Variants in ATP6V0A4 observed in about 807,000 individuals in gnomAD.
The protein encoded by ATP6V0A4 is ATPase H+ transporting V0 subunit a4.
Under a neutral mutation model 107.3 loss-of-function variants are expected in ATP6V0A4, and 86 were observed. The observed-to-expected ratio is 0.80, with a 90% CI of 0.67 to 0.96. ATP6V0A4 has a LOEUF of 0.96. ATP6V0A4 is among the 40% of genes least tolerant of loss of function. The pLI, the probability that ATP6V0A4 is intolerant of heterozygous loss-of-function variation, is 0.00. For synonymous variants in ATP6V0A4, 353 were observed against 381.4 expected, an observed-to-expected ratio of 0.93 and a Z score of 0.87; for missense variants, 908 against 1,045.6, an observed-to-expected ratio of 0.87 and a Z score of 1.81.
At chr7:138,710,469 G>A (rs1347891590) in intron 20 of ATP6V0A4, among the ~76,000 whole-genome samples, 1 of 152,060 alleles carries the variant, frequency 6.6e-6, no homozygotes, top group East Asian at 1.9e-4. Flanking sequence ...GATTACAGGC[G>A]TAAGCCACCG....
chr7:138,714,112 G>A (rs546466062), intron 20 of ATP6V0A4, among the ~76,000 whole-genome samples: 1 of 151,512 alleles, frequency 6.6e-6, no homozygotes, highest in South Asian at 2.1e-4. Flanking sequence ...CAGGCATGGT[G>A]GCATGCACCT....
intron 20 of ATP6V0A4, among the ~76,000 whole-genome samples, chr7:138,712,372 T>C (rs572484471): frequency 1.6e-4 from 24 of 152,210 alleles, no homozygotes; most frequent in African/African-American, 5.5e-4. Context: ...AGGAGGAATT[T>C]TGGCCAGAGG....
At chr7:138,784,858 G>A (rs1187099308) in intron 2 of ATP6V0A4, among the ~76,000 whole-genome samples, 2 of 152,138 alleles carry the variant, frequency 1.3e-5, no homozygotes, top group Non-Finnish European at 2.9e-5. Flanking sequence ...AAAGGTCCCC[G>A]GCAAAGCACT....
chr7:138,763,697 A>G (rs146345538), intron 5 of ATP6V0A4, among the ~76,000 whole-genome samples: 1 of 151,410 alleles, frequency 6.6e-6, no homozygotes, highest in African/African-American at 2.4e-5. Context: ...TAAAATAGAA[A>G]ATGATGGGCC....
chr7:138,764,212 T>G (rs2117320219), intron 5 of ATP6V0A4, among the ~76,000 whole-genome samples: 1 of 151,922 alleles, frequency 6.6e-6, no homozygotes, highest in South Asian at 2.1e-4. Flanking sequence ...AATGATGATC[T>G]CGAAGGGAAG....
chr7:138,735,597 G>A (rs1025437058), intron 15 of ATP6V0A4, among the ~76,000 whole-genome samples: 1 of 152,152 alleles, frequency 6.6e-6, no homozygotes, highest in Non-Finnish European at 1.5e-5. Context: ...GCCGGCTGCT[G>A]GGAAGCGGGG....
At chr7:138,782,171 C>G (rs1441710178) in intron 2 of ATP6V0A4, among the ~76,000 whole-genome samples, 1 of 152,180 alleles carries the variant, frequency 6.6e-6, no homozygotes, top group Non-Finnish European at 1.5e-5. Flanking sequence ...AGATGCCACG[C>G]AAGGCTGGTT....
chr7:138,754,557 CA>C (rs1287107484), intron 10 of ATP6V0A4, among the ~76,000 whole-genome samples: 1 of 152,014 alleles, frequency 6.6e-6, no homozygotes, highest in East Asian at 1.9e-4. Flanking sequence ...CATACTTGTC[CA>C]GAATCTAAAA....
At chr7:138,790,891 G>A (rs1000171722) in intron 1 of ATP6V0A4, among the ~76,000 whole-genome samples, 8 of 152,180 alleles carry the variant, frequency 5.3e-5, no homozygotes, top group African/African-American at 1.9e-4. Context: ...TCTACAGGAA[G>A]AAAGCATTAT....
chr7:138,767,406 C>A (rs1207371428), intron 5 of ATP6V0A4, among the ~76,000 whole-genome samples: 1 of 152,080 alleles, frequency 6.6e-6, no homozygotes, highest in Admixed American at 6.6e-5. Context: ...GCCTGTAATC[C>A]CAGCTACTTG....
intron 1 of ATP6V0A4, among the ~76,000 whole-genome samples, chr7:138,787,937 C>T (rs1397731096): frequency 2.0e-5 from 3 of 151,930 alleles, no homozygotes; most frequent in African/African-American, 4.8e-5. Context: ...GAGGTGGAGG[C>T]TACAGTGAGT....
rs566336992 is a variant in ATP6V0A4, at chr7:138,745,658, C to CAAAAA, written c.1321-383_1321-379dup. On this transcript the variant is annotated intron_variant, in intron 13 of 21. Coordinates refer to ENST00000310018, the MANE Select transcript of ATP6V0A4 (RefSeq NM_020632.3). Reference sequence around the variant, plus strand: ...CACCACTGCGCTCCAGCCTGTGTCTCAAAAAAAAAAAAAGGCCGGGTGTGA... The same window carrying CAAAAA: ...CACCACTGCGCTCCAGCCTGTGTCTCAAAAAAAAAAAAAAAAAAGGCCGGGTGTGA... 3.6e-3 allele frequency among the ~76,000 whole-genome samples: 154 copies of CAAAAA among 42,758 alleles called. 18 individuals are homozygous for CAAAAA. The highest frequency in any genetic ancestry group is 0.011 in the South Asian group (12 of 1,098). The allele number at this position is 42,758 out of a possible 152,430, so 28.1% of individuals were successfully genotyped here.
intron 18 of ATP6V0A4, among the ~76,000 whole-genome samples, chr7:138,724,763 C>T (rs1195040969): frequency 6.6e-6 from 1 of 152,190 alleles, no homozygotes; most frequent in Non-Finnish European, 1.5e-5. Context: ...CAACCCTAAA[C>T]TCTACCCTTT....
intron 11 of ATP6V0A4, among the ~76,000 whole-genome samples, chr7:138,752,361 T>A (rs1806274483): frequency 1.5e-5 from 2 of 129,582 alleles, no homozygotes; most frequent in African/African-American, 5.8e-5. Context: ...CAGAGCGAGA[T>A]TCTATTTTTT....
At chr7:138,759,050 C>CTTTTT (rs1176578067) in intron 8 of ATP6V0A4, among the ~76,000 whole-genome samples, 1 of 91,926 alleles carries the variant, frequency 1.1e-5, no homozygotes, top group East Asian at 2.9e-4. Flanking sequence ...CATGCCCAGC[C>CTTTTT]TATTTTTTTT....
At position 138,706,473 on chromosome 7, in the gene ATP6V0A4, A is replaced by G; in HGVS notation, c.*151T>C. ...GACGTGGTTAAGTCGTATCAAATCCACAGGCTGACGTCCAAATAATACACA... is the reference window on the plus strand; with the variant it reads ...GACGTGGTTAAGTCGTATCAAATCCGCAGGCTGACGTCCAAATAATACACA... On this transcript the variant is annotated 3_prime_UTR_variant, in exon 22 of 22. Coordinates refer to ENST00000310018, the MANE Select transcript of ATP6V0A4 (RefSeq NM_020632.3). 1 of 968,598 alleles carries G rather than the reference A, an allele frequency of 1.0e-6. No homozygotes were observed. Among genetic ancestry groups the G allele is most frequent in the Non-Finnish European group, 1.6e-6 (1 of 636,504 alleles). The allele number at this position is 968,598 out of a possible 1,614,324, so 60.0% of individuals were successfully genotyped here. A position where few individuals can be genotyped will look rare whatever the true frequency, so the allele number is the denominator to read the frequency against.
intron 4 of ATP6V0A4, 139 bp downstream of exon 4, chr7:138,769,033 TC>T (rs1305052212): frequency 1.3e-6 from 2 of 1,563,064 alleles, no homozygotes; most frequent in African/African-American, 2.7e-5. Context: ...CCTCCCCCAT[TC>T]CCTCCAGGTG....
chr7:138,743,842 T>C (rs535728574), intron 14 of ATP6V0A4, among the ~76,000 whole-genome samples: 2 of 152,290 alleles, frequency 1.3e-5, no homozygotes, highest in African/African-American at 4.8e-5. Flanking sequence ...GAATCTCAGG[T>C]ACGTGATGCA....
chr7:138,784,301 C>CAT (rs1808079181), intron 2 of ATP6V0A4, among the ~76,000 whole-genome samples: 1 of 114,928 alleles, frequency 8.7e-6, no homozygotes, highest in African/African-American at 4.3e-5. Flanking sequence ...CACACACACA[C>CAT]ACACACATAT....
Sources: gnomAD v4.1 joint callset for allele counts (sites outside exome capture counted in the v4.1 genomes callset) on GRCh38, gnomAD v4.1.1 for gene constraint, MANE v1.5 for transcripts, NCBI Gene and HGNC (gene_info 2026-07-23, HGNC 2026-07-21) for gene names.